The following RAG1 variants were observed in gnomAD, a reference collection of about 807,000 sequenced individuals.
RAG1 encodes recombination activating 1, also known as V(D)J recombination-activating protein 1.
In RAG1, 35 loss-of-function variants were observed where a neutral mutation model predicts 62.7. The ratio of observed to expected loss-of-function variants is 0.56; its 90% CI spans 0.43 to 0.74. RAG1 has a LOEUF of 0.74. Ranked by LOEUF, RAG1 falls within the 30% of genes least tolerant of loss-of-function variation. RAG1 has a pLI of 0.00. For missense variants in RAG1, 1,169 were observed against 1,278.6 expected, an observed-to-expected ratio of 0.91 and a Z score of 1.31; for synonymous variants, 461 against 470.3, an observed-to-expected ratio of 0.98 and a Z score of 0.26.
At chr11:36,523,933 C>T (rs111689080) in intron 2 of RAG1, among the ~76,000 whole-genome samples, 5 of 152,266 alleles carry the variant, frequency 3.3e-5, no homozygotes, top group African/African-American at 7.2e-5. Context: ...AGGATCCATC[C>T]GTCATGTTGC....
In RAG1 at chr11:36,575,578, A is replaced by T; in HGVS notation, c.2274A>T (p.Glu758Asp). The change falls in exon 2 of 2, where the codon GAA becomes GAT. Residue 758 changes from glutamate (E) to aspartate (D), a missense_variant. By Grantham distance (45) the Glu-to-Asp change is conservative (BLOSUM62 2). Transcript: ENST00000299440. The surrounding 1 kb of genome is among the most constrained non-coding windows in gnomAD (Gnocchi z 4.1). ...SITRSHAENL[E>D]RYEVWRSNPY... Reference sequence around the variant, plus strand: ...CCAGAAGCCATGCTGAGAACCTGGAACGTTATGAGGTCTGGCGTTCCAACC... The same window carrying T: ...CCAGAAGCCATGCTGAGAACCTGGATCGTTATGAGGTCTGGCGTTCCAACC... The T allele has an allele frequency of 1.2e-6, 2 of 1,614,224 alleles. No homozygotes were observed. Among genetic ancestry groups the T allele is most frequent in the Non-Finnish European group, 1.7e-6 (2 of 1,180,028 alleles).
At chr11:36,517,851 A>T (rs1410147042) in intron 1 of RAG1, among the ~76,000 whole-genome samples, 1 of 152,110 alleles carries the variant, frequency 6.6e-6, no homozygotes, top group Non-Finnish European at 1.5e-5. Flanking sequence ...TTTTATTATT[A>T]TTATACTTTA....
intron 3 of RAG1, among the ~76,000 whole-genome samples, chr11:36,541,508 CT>C (rs1860417389): frequency 6.6e-6 from 1 of 152,046 alleles, no homozygotes; most frequent in Admixed American, 6.6e-5. Flanking sequence ...GCTGGTAGGC[CT>C]TTTGACACTT....
At position 36,575,063 on chromosome 11, in the gene RAG1, G is replaced by A. The variant is rs771672209; in HGVS notation, c.1759G>A (p.Asp587Asn). Residue 587 changes from aspartate to asparagine, a missense_variant, in exon 2 of 2, where the codon GAT becomes AAT. Physicochemically the swap from Asp to Asn is conservative, Grantham distance 23 (BLOSUM62 1). Coordinates refer to ENST00000299440, the MANE Select transcript of RAG1 (RefSeq NM_000448.3). This position sits in a 1 kb window ranked among gnomAD's most constrained non-coding sequence, Gnocchi z 4.1. ...GGAAGGCATGAGATCCCAAGACCTT[G>A]ATGATTACCTGAATGGCCCCTTCAC... ...ILEGMRSQDL[D>N]DYLNGPFTVV... The A allele has an allele frequency of 8.1e-6, 13 of 1,614,054 alleles. No homozygotes were observed. The highest frequency in any genetic ancestry group is 5.0e-5 in the Admixed American group (3 of 60,016).
At position 36,576,079 on chromosome 11, in the gene RAG1, G is replaced by C; in HGVS notation, c.2775G>C (p.Thr925=). 6.2e-7 allele frequency: 1 copy of C among 1,614,004 alleles called. No homozygotes were observed. Among genetic ancestry groups the C allele is most frequent in the Non-Finnish European group, 8.5e-7 (1 of 1,180,046 alleles). Residue 925 remains threonine (T), a synonymous_variant, in exon 2 of 2, where the codon ACG becomes ACC. Transcript: ENST00000299440. ...NSQRFAELLS[T]KFKYRYEGKI... ...AGCGTTTTGCTGAGCTCCTTTCTAC[G>C]AAGTTCAAGTATAGGTATGAGGGAA...
At chr11:36,522,647 C>A (rs1860100036) in intron 2 of RAG1, among the ~76,000 whole-genome samples, 1 of 152,154 alleles carries the variant, frequency 6.6e-6, no homozygotes, top group Non-Finnish European at 1.5e-5. Flanking sequence ...CTCCAGACCC[C>A]AGAATGGTAG....
upstream of RAG1, among the ~76,000 whole-genome samples, chr11:36,564,569 T>C (rs1057310767): frequency 2.0e-5 from 3 of 152,204 alleles, no homozygotes; most frequent in Non-Finnish European, 4.4e-5. Context: ...CACTAGCTGC[T>C]TAGAAAACAG....
intron 3 of RAG1, among the ~76,000 whole-genome samples, chr11:36,551,097 T>A (rs1850475378): frequency 6.6e-6 from 1 of 152,146 alleles, no homozygotes; most frequent in Non-Finnish European, 1.5e-5. Context: ...GTAGTCAGAA[T>A]GTTGCTTAGT....
chr11:36,530,982 C>T (rs1294657083), intron 2 of RAG1, among the ~76,000 whole-genome samples: 1 of 151,872 alleles, frequency 6.6e-6, no homozygotes, highest in Non-Finnish European at 1.5e-5. Flanking sequence ...ACTTATTTTT[C>T]AACACATTGT....
chr11:36,516,621 C>G (rs894447039), intron 1 of RAG1, among the ~76,000 whole-genome samples: 1 of 152,230 alleles, frequency 6.6e-6, no homozygotes, highest in Non-Finnish European at 1.5e-5. Flanking sequence ...CGCGCCCAGC[C>G]GGCAGATTCA....
upstream of RAG1, among the ~76,000 whole-genome samples, chr11:36,567,743 G>A (rs1439804928): frequency 2.6e-5 from 4 of 152,176 alleles, no homozygotes; most frequent in African/African-American, 9.7e-5. Context: ...CCTGGCAAAA[G>A]CTGGGGCTTA....
intron 3 of RAG1, among the ~76,000 whole-genome samples, chr11:36,559,275 C>T (rs1393270326): frequency 1.3e-5 from 2 of 152,106 alleles, no homozygotes; most frequent in African/African-American, 4.8e-5. Flanking sequence ...TTTTACACTT[C>T]TCTCTTGCTG....
upstream of RAG1, among the ~76,000 whole-genome samples, chr11:36,567,063 A>G (rs749135835): frequency 4.6e-5 from 7 of 152,204 alleles, no homozygotes; most frequent in Non-Finnish European, 7.3e-5. Flanking sequence ...GTATACACCT[A>G]TTCATTCTTG....
At chr11:36,517,135 C>A (rs1463620141) in intron 1 of RAG1, among the ~76,000 whole-genome samples, 1 of 152,082 alleles carries the variant, frequency 6.6e-6, no homozygotes, top group African/African-American at 2.4e-5. Context: ...TCCAGTGTTC[C>A]TGATTCGAAT....
At position 36,573,998 on chromosome 11, in the gene RAG1, C is replaced by G. The variant is rs1265865758; in HGVS notation, c.694C>G (p.Leu232Val). The change falls in exon 2 of 2, where the codon CTC becomes GTC. Residue 232 changes from leucine to valine, a missense_variant. Leu to Val is a conservative substitution (Grantham distance 32). Coordinates refer to ENST00000299440, the MANE Select transcript of RAG1 (RefSeq NM_000448.3). The part of the protein sequence containing the change: ...KRKSLQPNLQ[L>V]SKKLKTVLDQ... ...GAAGAGTCTTCAGCCAAACTTGCAG[C>G]TCAGCAAAAAACTCAAAACTGTGCT... 1 of 1,614,130 alleles carries G rather than the reference C, an allele frequency of 6.2e-7. No homozygotes were observed.
intron 1 of RAG1, among the ~76,000 whole-genome samples, chr11:36,517,110 A>G (rs932966463): frequency 1.3e-5 from 2 of 152,208 alleles, no homozygotes; most frequent in African/African-American, 4.8e-5. Flanking sequence ...TGGTGGGAAA[A>G]ACAGGATACT....
intron 3 of RAG1, among the ~76,000 whole-genome samples, chr11:36,558,677 C>T (rs1850538000): frequency 6.6e-6 from 1 of 152,092 alleles, no homozygotes; most frequent in Non-Finnish European, 1.5e-5. Flanking sequence ...AAGTGAGTTT[C>T]TTGTAGATAG....
chr11:36,513,596 A>T (rs1488648259), intron 1 of RAG1, among the ~76,000 whole-genome samples: 1 of 152,216 alleles, frequency 6.6e-6, no homozygotes, highest in Non-Finnish European at 1.5e-5. Flanking sequence ...ACAGTATATT[A>T]GTCTGTTCTC....
At position 36,573,670 on chromosome 11, in the gene RAG1, G is replaced by A; in HGVS notation, c.366G>A (p.Glu122=). Residue 122 remains glutamate, a synonymous_variant, in exon 2 of 2, where the codon GAG becomes GAA. Transcript: ENST00000299440. ...GTGGGAATTCTTTTAGAGCTGATGA[G>A]CACAACAGGAGATATCCAGTCCATG... The part of the protein sequence containing the change: ...RICGNSFRAD[E]HNRRYPVHGP... The A allele has an allele frequency of 6.2e-7, 1 of 1,614,122 alleles. No individual in the cohort carries two copies. Among genetic ancestry groups the A allele is most frequent in the South Asian group, 1.1e-5 (1 of 91,076 alleles).
Sources: gnomAD v4.1 joint callset for allele counts (sites outside exome capture counted in the v4.1 genomes callset) on GRCh38, gnomAD v4.1.1 for gene constraint, Gnocchi (gnomAD v3.1) non-coding constraint, MANE v1.5 for transcripts, NCBI Gene and HGNC (gene_info 2026-07-23, HGNC 2026-07-21) for gene names.